CNRIP1: variants seen among roughly 807,000 people sequenced by gnomAD.
CNRIP1 encodes cannabinoid receptor interacting protein 1, also known as CB1 cannabinoid receptor-interacting protein 1.
CNRIP1 carries 10 observed loss-of-function variants against 15.2 expected under a neutral mutation model. The ratio of observed to expected loss-of-function variants is 0.66; its 90% CI spans 0.41 to 1.12. CNRIP1 has a LOEUF of 1.12. Ranked by LOEUF, CNRIP1 falls within the 50% of genes most tolerant of loss-of-function variation. CNRIP1 has a pLI of 0.00. For synonymous variants in CNRIP1, 91 were observed against 83.2 expected (o/e 1.09, Z -0.51); for missense variants, 211 against 214.7 (o/e 0.98, Z 0.11).
At chr2:68,312,116 A>G (rs896351987) in intron 2 of CNRIP1, among the ~76,000 whole-genome samples, 13 of 152,212 alleles carry the variant, frequency 8.5e-5, no homozygotes, top group African/African-American at 3.1e-4. Flanking sequence ...TTTCCGAATC[A>G]TTTTATGTAG....
At chr2:68,298,224 G>T (rs1671458671) in intron 2 of CNRIP1, among the ~76,000 whole-genome samples, 1 of 151,984 alleles carries the variant, frequency 6.6e-6, no homozygotes, top group Non-Finnish European at 1.5e-5. Flanking sequence ...ACAAGGCATT[G>T]CACACTTTAA....
At chr2:68,313,890 T>C (rs1470049925) in intron 2 of CNRIP1, among the ~76,000 whole-genome samples, 4 of 152,170 alleles carry the variant, frequency 2.6e-5, no homozygotes, top group Non-Finnish European at 4.4e-5. Context: ...TCTGGCTTTA[T>C]CTTATACTGT....
At chr2:68,287,272 G>C (rs1176970022) in intron 2 of CNRIP1, among the ~76,000 whole-genome samples, 2 of 152,170 alleles carry the variant, frequency 1.3e-5, no homozygotes, top group Admixed American at 1.3e-4. Flanking sequence ...GAAAGGCAAG[G>C]TTATGCTGAA....
chr2:68,289,997 T>C (rs1027523016), downstream of CNRIP1, among the ~76,000 whole-genome samples: 2 of 151,480 alleles, frequency 1.3e-5, no homozygotes, highest in African/African-American at 4.8e-5. Flanking sequence ...GGGATTTAAA[T>C]TGAGGTATTT....
chr2:68,314,144 C>T (rs369945818), intron 2 of CNRIP1, among the ~76,000 whole-genome samples: 4 of 152,142 alleles, frequency 2.6e-5, no homozygotes, highest in Non-Finnish European at 1.5e-5. Flanking sequence ...CAATTATTTA[C>T]CTTATCATTG....
intron 2 of CNRIP1, among the ~76,000 whole-genome samples, chr2:68,286,972 G>A (rs1545290): frequency 1.3e-5 from 2 of 152,138 alleles, no homozygotes; most frequent in Non-Finnish European, 2.9e-5. Flanking sequence ...GTCAATGAAT[G>A]CTAATTTTGT....
chr2:68,307,583 C>T (rs1029620425), intron 2 of CNRIP1, among the ~76,000 whole-genome samples: 1 of 152,182 alleles, frequency 6.6e-6, no homozygotes, highest in East Asian at 1.9e-4. Flanking sequence ...GCCTTGTCCT[C>T]CCAAAGTGGT....
chr2:68,293,798 G>T lies in CNRIP1; in HGVS notation c.*64C>A. On this transcript the variant is annotated 3_prime_UTR_variant, in exon 3 of 3. Coordinates refer to ENST00000263655, the MANE Select transcript of CNRIP1 (RefSeq NM_015463.3). ...GTGTGGCATGCCTTGTTTAAGGCCT[G>T]CGCTGGTTTATCTAAAAGTAGATTT... 1.9e-6 allele frequency: 3 copies of T among 1,581,654 alleles called. No homozygotes were observed. Among genetic ancestry groups the T allele is most frequent in the Non-Finnish European group, 2.6e-6 (3 of 1,159,956 alleles).
At chr2:68,297,327 G>A (rs1671406676) in intron 2 of CNRIP1, among the ~76,000 whole-genome samples, 1 of 152,084 alleles carries the variant, frequency 6.6e-6, no homozygotes, top group South Asian at 2.1e-4. Flanking sequence ...AGCACTTTGG[G>A]AGGCCAACAT....
chr2:68,319,601 C>G lies in CNRIP1; in HGVS notation c.-201G>C, dbSNP rs1048644627. Reference sequence around the variant, plus strand: ...GAGCAGCTCCTTAGGCTGTGGCCCCCCTCCCCACTCGGCGAGGAAGCGGGC... The same window carrying G: ...GAGCAGCTCCTTAGGCTGTGGCCCCGCTCCCCACTCGGCGAGGAAGCGGGC... On this transcript the variant is annotated 5_prime_UTR_variant, in exon 1 of 3. Transcript: ENST00000263655. 11 of 524,410 alleles carry G rather than the reference C, an allele frequency of 2.1e-5. No individual in the cohort carries two copies. Among genetic ancestry groups the G allele is most frequent in the Non-Finnish European group, 3.3e-5 (10 of 304,734 alleles). The allele number at this position is 524,410 out of a possible 1,614,324, so 32.5% of individuals were successfully genotyped here.
chr2:68,290,434 T>C (rs540820104), downstream of CNRIP1, among the ~76,000 whole-genome samples: 1 of 152,234 alleles, frequency 6.6e-6, no homozygotes, highest in South Asian at 2.1e-4. Flanking sequence ...TTTTATTTGA[T>C]ATATACAGAA....
intron 2 of CNRIP1, among the ~76,000 whole-genome samples, chr2:68,314,521 C>T (rs1319066945): frequency 6.6e-6 from 1 of 151,552 alleles, no homozygotes; most frequent in East Asian, 1.9e-4. Flanking sequence ...AAACATTAGA[C>T]AATGCAATAT....
downstream of CNRIP1, among the ~76,000 whole-genome samples, chr2:68,288,927 A>G (rs1015588447): frequency 6.6e-6 from 1 of 152,244 alleles, no homozygotes; most frequent in Non-Finnish European, 1.5e-5. Context: ...ATTTAATCCT[A>G]ACACATGTTG....
At chr2:68,318,767 C>G (rs1051670048) in intron 1 of CNRIP1, among the ~76,000 whole-genome samples, 1 of 152,248 alleles carries the variant, frequency 6.6e-6, no homozygotes, top group Non-Finnish European at 1.5e-5. Flanking sequence ...CTTTCCACCT[C>G]ATTCCTCCTT....
chr2:68,304,346 G>C (rs1372480507), intron 2 of CNRIP1, among the ~76,000 whole-genome samples: 1 of 151,462 alleles, frequency 6.6e-6, no homozygotes, highest in African/African-American at 2.4e-5. Flanking sequence ...AGTTTGCAGT[G>C]AGCCAAGATC....
intron 2 of CNRIP1, among the ~76,000 whole-genome samples, chr2:68,305,777 CAGAG>C (rs1299667070): frequency 8.0e-6 from 1 of 125,488 alleles, no homozygotes; most frequent in South Asian, 2.8e-4. Flanking sequence ...GCCTGGGCGT[CAGAG>C]AAAGACTCTT....
At chr2:68,316,429 T>C (rs1298931174) in intron 2 of CNRIP1, 1 of 152,230 alleles carries the variant, frequency 6.6e-6, no homozygotes, top group African/African-American at 2.4e-5. Context: ...AGCAGCAGTT[T>C]AGGTGAAGCT....
chr2:68,317,034 C>T (rs747782568), intron 2 of CNRIP1, 123 bp downstream of exon 2: 2 of 1,206,770 alleles, frequency 1.7e-6, no homozygotes, highest in Non-Finnish European at 2.5e-6. Context: ...AAATCCACAA[C>T]TCAATTTCCA....
intron 2 of CNRIP1, among the ~76,000 whole-genome samples, chr2:68,310,783 C>A (rs1672042843): frequency 6.6e-6 from 1 of 150,530 alleles, no homozygotes; most frequent in African/African-American, 2.4e-5. Flanking sequence ...TTAACTACTT[C>A]AAACCAGCAA....
Sources: gnomAD v4.1 joint callset for allele counts (sites outside exome capture counted in the v4.1 genomes callset) on GRCh38, gnomAD v4.1.1 for gene constraint, MANE v1.5 for transcripts, NCBI Gene and HGNC (gene_info 2026-07-23, HGNC 2026-07-21) for gene names.